CBLB: variants seen among roughly 807,000 people sequenced by gnomAD.
The protein encoded by CBLB is Cbl proto-oncogene B.
Under a neutral mutation model 104.9 loss-of-function variants are expected in CBLB, and 31 were observed. The ratio of observed to expected loss-of-function variants is 0.30; its 90% confidence interval spans 0.22 to 0.40. CBLB has a LOEUF of 0.40. CBLB is among the 10% of genes least tolerant of loss of function. CBLB has a pLI of 1.00. For missense variants in CBLB, 1,062 were observed against 1,214.6 expected (o/e 0.87, Z 1.87); for synonymous variants, 440 against 422.6 (o/e 1.04, Z -0.51).
At chr3:105,734,819 T>A (rs1373308271) in intron 8 of CBLB, among the ~76,000 whole-genome samples, 1 of 152,210 alleles carries the variant, frequency 6.6e-6, no homozygotes, top group Non-Finnish European at 1.5e-5. Flanking sequence ...AGAAAACAAA[T>A]CACTTCAGTA....
At chr3:105,768,264 A>G (rs1369601806) in intron 4 of CBLB, among the ~76,000 whole-genome samples, 5 of 152,218 alleles carry the variant, frequency 3.3e-5, no homozygotes, top group Non-Finnish European at 7.3e-5. Flanking sequence ...AAAAATTATG[A>G]GCAATATTAT....
rs188987345 is a variant in CBLB at position 105,741,747 on chromosome 3, C to G, written c.846-1116G>C. Among the ~76,000 whole-genome samples, 374 of 152,028 alleles carry G rather than the reference C, an allele frequency of 2.5e-3. 6 individuals carry two copies. The highest frequency in any genetic ancestry group is 0.022 in the Admixed American group (329 of 15,262). On this transcript the variant is annotated intron_variant, in intron 6 of 18. Coordinates refer to ENST00000394030, the MANE Select transcript of CBLB (RefSeq NM_170662.5). ...CGTTAGCCAGGATGGTCTCGATATC[C>G]TGACCTCATGATCCACCCGCCTCGG...
chr3:105,799,191 A>G (rs2082566604), intron 3 of CBLB, among the ~76,000 whole-genome samples: 2 of 151,672 alleles, frequency 1.3e-5, no homozygotes, highest in Non-Finnish European at 2.9e-5. Context: ...AAAAAAAAAA[A>G]AAAGAAATCC....
intron 14 of CBLB, among the ~76,000 whole-genome samples, chr3:105,684,424 C>G (rs1236784006): frequency 6.6e-6 from 1 of 152,068 alleles, no homozygotes; most frequent in Non-Finnish European, 1.5e-5. Context: ...AGTAATATTT[C>G]AATACAAACA....
intron 3 of CBLB, among the ~76,000 whole-genome samples, chr3:105,844,708 T>C (rs1396551208): frequency 6.6e-6 from 1 of 152,202 alleles, no homozygotes; most frequent in Non-Finnish European, 1.5e-5. Flanking sequence ...CAATCAGACA[T>C]GAATACTATT....
chr3:105,830,911 T>C lies in CBLB; in HGVS notation c.419+22503A>G, dbSNP rs1172960382. 2.6e-5 allele frequency among the ~76,000 whole-genome samples: 4 copies of C among 152,316 alleles called. No homozygotes were observed. In the East Asian group the frequency reaches 5.8e-4, roughly 22 times the overall value. ...TGTAGTCTAGTGTAAATATAAAACA[T>C]GGGAAGCACCAAAATTATAATTCAG... is the stretch of plus-strand genomic sequence containing the variant. On this transcript the variant is annotated intron_variant, in intron 3 of 18. Transcript: ENST00000394030.
At chr3:105,814,605 CTT>C (rs35423573) in intron 3 of CBLB, among the ~76,000 whole-genome samples, 119,265 of 151,782 alleles carry the variant, frequency 0.79, 47,773 homozygotes, top group Middle Eastern at 0.9. Flanking sequence ...TGAAATCACT[CTT>C]GTGTCCATTC....
At chr3:105,684,828 G>A (rs2066806533) in intron 14 of CBLB, among the ~76,000 whole-genome samples, 1 of 152,298 alleles carries the variant, frequency 6.6e-6, no homozygotes, top group Non-Finnish European at 1.5e-5. Context: ...TAGGATTACA[G>A]GCGTGAGCCA....
At chr3:105,868,208 A>C in intron 1 of CBLB, 1 of 1,232,736 alleles carries the variant, frequency 8.1e-7, no homozygotes, top group Non-Finnish European at 1.0e-6. Flanking sequence ...ATTCCCAAGA[A>C]CCAAATGAAA....
rs191627910 is a variant in CBLB at position 105,852,339 on chromosome 3, C to T, written c.419+1075G>A. The stretch of plus-strand genomic sequence containing the variant: ...GACAATAATATTGATGATCCTGACA[C>T]TGTGCAGGCCTAGGCTAATGTGTGT... On this transcript the variant is annotated intron_variant, in intron 3 of 18. Transcript: ENST00000394030. 4.5e-4 allele frequency among the ~76,000 whole-genome samples: 68 copies of T among 152,258 alleles called. 1 individual carries two copies. The highest frequency in any genetic ancestry group is 2.5e-3 in the Admixed American group (39 of 15,300).
At chr3:105,755,240 C>G (rs1294993447) in intron 4 of CBLB, among the ~76,000 whole-genome samples, 2 of 151,860 alleles carry the variant, frequency 1.3e-5, no homozygotes, top group African/African-American at 4.8e-5. Flanking sequence ...CATGTGATCT[C>G]ATTGTTCAAT....
chr3:105,753,092 C>G (rs1270143317), intron 4 of CBLB, among the ~76,000 whole-genome samples: 1 of 152,020 alleles, frequency 6.6e-6, no homozygotes, highest in Non-Finnish European at 1.5e-5. Context: ...GTGATGGATA[C>G]ACAGCAAGGG....
At chr3:105,785,520 TG>T (rs1429863296) in intron 3 of CBLB, among the ~76,000 whole-genome samples, 1 of 152,172 alleles carries the variant, frequency 6.6e-6, no homozygotes, top group Non-Finnish European at 1.5e-5. Context: ...CTCAAGTAAA[TG>T]TAACATATTT....
chr3:105,748,716 C>A (rs2076333977), intron 5 of CBLB, among the ~76,000 whole-genome samples: 1 of 152,130 alleles, frequency 6.6e-6, no homozygotes, highest in African/African-American at 2.4e-5. Flanking sequence ...CAGTGACTCC[C>A]AAGTATTTGT....
intron 3 of CBLB, among the ~76,000 whole-genome samples, chr3:105,816,193 A>G (rs1211282638): frequency 6.6e-6 from 1 of 152,060 alleles, no homozygotes; most frequent in Admixed American, 6.6e-5. Flanking sequence ...CCCAGAACTT[A>G]GTATATTTTT....
At chr3:105,779,472 T>C (rs1021731621) in intron 3 of CBLB, among the ~76,000 whole-genome samples, 2 of 152,194 alleles carry the variant, frequency 1.3e-5, no homozygotes, top group African/African-American at 2.4e-5. Context: ...CTCAAGCTCA[T>C]ATTGTTAAAA....
At chr3:105,771,508 A>G (rs2078870941) in intron 4 of CBLB, among the ~76,000 whole-genome samples, 1 of 152,132 alleles carries the variant, frequency 6.6e-6, no homozygotes, top group Admixed American at 6.6e-5. Flanking sequence ...CTTCTATTCA[A>G]CCCAGTACTG....
Position 105,868,803 on chromosome 3 carries a change from G to A in CBLB, c.-82C>T. On this transcript the variant is annotated 5_prime_UTR_variant, in exon 1 of 19. Coordinates refer to ENST00000394030, the MANE Select transcript of CBLB (RefSeq NM_170662.5). ...TCCCACTCCACACGCACGCAGCCCA[G>A]TGTGTGTGGGGAGCCCCGGCTGGGA... The A allele has an allele frequency of 1.0e-6, 1 of 992,642 alleles. No homozygotes were observed. The highest frequency in any genetic ancestry group is 1.2e-6 in the Non-Finnish European group (1 of 834,834). 61.5% of individuals were successfully genotyped at this position (992,642 alleles called of 1,614,324 possible).
chr3:105,661,545 T>C (rs1480613885), intron 18 of CBLB, among the ~76,000 whole-genome samples: 3 of 152,216 alleles, frequency 2.0e-5, no homozygotes, highest in African/African-American at 4.8e-5. Flanking sequence ...AACAATTAAC[T>C]TGTTTTCTAC....
Sources: allele counts gnomAD v4.1 joint callset (sites outside exome capture counted in the v4.1 genomes callset), GRCh38; gene constraint gnomAD v4.1.1; transcripts MANE v1.5; gene names NCBI Gene and HGNC (gene_info 2026-07-23, HGNC 2026-07-21).